ABITRAM: variants seen among roughly 807,000 people sequenced by gnomAD.
ABITRAM encodes actin binding transcription modulator.
ABITRAM carries 19 observed loss-of-function variants against 22.9 expected under a neutral mutation model. The observed-to-expected ratio is 0.83, with a 90% CI of 0.58 to 1.22. ABITRAM has a LOEUF of 1.22. ABITRAM is among the 50% of genes most tolerant of loss of function. The pLI is 0.00. For missense variants in ABITRAM, 215 were observed against 220.2 expected, an observed-to-expected ratio of 0.98 and a Z score of 0.15; for synonymous variants, 70 against 73.9, an observed-to-expected ratio of 0.95 and a Z score of 0.27.
chr9:108,936,183 GA>G, intron 2 of ABITRAM, 124 bp from the exon 3 acceptor site: 6 of 1,056,424 alleles, frequency 5.7e-6, no homozygotes, highest in Non-Finnish European at 8.2e-6. Context: ...GTAGCCAAAG[GA>G]AAAAGGGGGA....
chr9:108,934,644 C>T (rs1830142550), intron 1 of ABITRAM, 79 bp downstream of exon 1: 1 of 1,353,504 alleles, frequency 7.4e-7, no homozygotes, highest in Non-Finnish European at 1.0e-6. Context: ...GATCATAAGC[C>T]ACGCGCGCTC....
chr9:108,942,790 G>A (rs185420752), downstream of ABITRAM: 5 of 1,612,156 alleles, frequency 3.1e-6, no homozygotes, highest in Non-Finnish European at 3.4e-6. Context: ...TATCCATAGT[G>A]TCCTTATTTG....
rs1190116396 is a variant in ABITRAM, at chr9:108,935,634, C to T, written c.80-4C>T. The T allele has an allele frequency of 6.2e-7, 1 of 1,610,478 alleles. No homozygotes were observed. Among genetic ancestry groups the T allele is most frequent in the Non-Finnish European group, 8.5e-7 (1 of 1,176,736 alleles). On this transcript the variant is annotated splice_region_variant and splice_polypyrimidine_tract_variant and intron_variant, in intron 1 of 5. Transcript: ENST00000322940. ...GCCACCAACAGACTCATGTATTCTT[C>T]TAGATGTCAAAGGAAAATTTTGTGA...
intron 1 of ABITRAM, 106 bp downstream of exon 1, chr9:108,934,671 C>A: frequency 9.2e-7 from 1 of 1,089,838 alleles, no homozygotes; most frequent in Non-Finnish European, 1.3e-6. Context: ...GCTCTCCGTC[C>A]CCACGTCAGA....
Position 108,935,626 on chromosome 9 carries a change from G to A in ABITRAM, c.80-12G>A. 1.2e-6 allele frequency: 2 copies of A among 1,607,428 alleles called. No individual in the cohort carries two copies. The highest frequency in any genetic ancestry group is 1.7e-6 in the Non-Finnish European group (2 of 1,174,034). On this transcript the variant is annotated splice_polypyrimidine_tract_variant and intron_variant, in intron 1 of 5. Coordinates refer to ENST00000322940, the MANE Select transcript of ABITRAM (RefSeq NM_017832.4). ...TGATTTCAGCCACCAACAGACTCAT[G>A]TATTCTTCTAGATGTCAAAGGAAAA...
At chr9:108,935,790 C>A in intron 2 of ABITRAM, 101 bp downstream of exon 2, 1 of 733,938 alleles carries the variant, frequency 1.4e-6, no homozygotes, top group Non-Finnish European at 2.3e-6. Context: ...GTTCACTAAA[C>A]AAACATGCAT....
At chr9:108,943,688 A>G (rs1409425847), downstream of ABITRAM, 1 of 1,595,298 alleles carries the variant, frequency 6.3e-7, no homozygotes, top group Non-Finnish European at 8.5e-7. Context: ...AAAGTTTTTC[A>G]TATGTCTCTT....
intron 3 of ABITRAM, chr9:108,948,262 T>C (rs748504437): frequency 6.3e-7 from 1 of 1,597,570 alleles, no homozygotes; most frequent in South Asian, 1.1e-5. Context: ...GTTAAGAAGG[T>C]AACAAAAAGT....
At chr9:108,939,100 T>C (rs927635019) in intron 3 of ABITRAM, 96 bp from the exon 4 acceptor site, 4 of 972,746 alleles carry the variant, frequency 4.1e-6, no homozygotes, top group Admixed American at 2.3e-5. Context: ...AAAACACCAG[T>C]TCCAGGAATA....
intron 2 of ABITRAM, 29 bp from the exon 3 acceptor site, chr9:108,936,279 C>T: frequency 2.5e-6 from 4 of 1,603,614 alleles, no homozygotes; most frequent in Non-Finnish European, 3.4e-6. Flanking sequence ...TCCAAGCAAT[C>T]ACACAGGATC....
chr9:108,945,056 C>T (rs1830360740), downstream of ABITRAM, among the ~76,000 whole-genome samples: 1 of 152,262 alleles, frequency 6.6e-6, no homozygotes, highest in Middle Eastern at 3.4e-3. Context: ...CCTGCAAACC[C>T]CTTGGGGACA....
intron 3 of ABITRAM, among the ~76,000 whole-genome samples, chr9:108,937,990 C>A (rs1231761553): frequency 7.1e-6 from 1 of 140,842 alleles, no homozygotes; most frequent in Non-Finnish European, 1.5e-5. Context: ...GAACAAGACC[C>A]TGTCTCAAAA....
At chr9:108,936,143 T>C in intron 2 of ABITRAM, 165 bp from the exon 3 acceptor site, 1 of 671,580 alleles carries the variant, frequency 1.5e-6, no homozygotes, top group Non-Finnish European at 2.4e-6. Context: ...TTTATTATTG[T>C]ATTCTCTATT....
At chr9:108,936,712 C>T (rs1454687173) in intron 3 of ABITRAM, among the ~76,000 whole-genome samples, 1 of 152,074 alleles carries the variant, frequency 6.6e-6, no homozygotes, top group Non-Finnish European at 1.5e-5. Flanking sequence ...GAAAGGAGAA[C>T]TCTAATAGCA....
intron 1 of ABITRAM, 72 bp downstream of exon 1, chr9:108,934,637 C>T (rs1830142123): frequency 2.8e-6 from 4 of 1,414,100 alleles, no homozygotes. Context: ...GTTGACAGAT[C>T]ATAAGCCACG....
chr9:108,937,994 C>G (rs1251710359), intron 3 of ABITRAM, among the ~76,000 whole-genome samples: 5 of 128,292 alleles, frequency 3.9e-5, no homozygotes, highest in Admixed American at 1.6e-4. Context: ...AAGACCCTGT[C>G]TCAAAAAAAA....
rs1454265703 is a variant in ABITRAM, at chr9:108,939,211, AC to A, written c.278del (p.Thr93LysfsTer27). On this transcript the variant is annotated frameshift_variant, in exon 4 of 6. Transcript: ENST00000322940. LOFTEE classifies it high-confidence loss of function. ...GKFKRGAQFL[T>X]ELAPLCKIYC... is the part of the protein sequence containing the mutation. Reference sequence around the variant, plus strand: ...CATTACACAGGGGGCACAGTTTCTAACAGAGCTTGCACCTCTCTGTAAGATT... The same window carrying A: ...CATTACACAGGGGGCACAGTTTCTAAAGAGCTTGCACCTCTCTGTAAGATT... 6.2e-7 allele frequency: 1 copy of A among 1,613,832 alleles called. No individual in the cohort carries two copies. Among genetic ancestry groups the A allele is most frequent in the Non-Finnish European group, 8.5e-7 (1 of 1,179,900 alleles).
intron 3 of ABITRAM, among the ~76,000 whole-genome samples, chr9:108,936,976 C>T (rs1190318554): frequency 2.0e-5 from 3 of 152,100 alleles, no homozygotes; most frequent in East Asian, 1.9e-4. Flanking sequence ...GCCTGGCCAA[C>T]GGGGTGAAAA....
rs778304477 is a variant in ABITRAM at position 108,939,474 on chromosome 9, TATG to T, written c.408+23_408+25del. The T allele has an allele frequency of 3.1e-6, 5 of 1,604,798 alleles. No individual in the cohort carries two copies. In the South Asian group the frequency reaches 4.5e-5, roughly 15 times the overall value. The stretch of plus-strand genomic sequence containing the variant: ...GAAAAGGTAAAAGAGAGAGAAAAAA[TATG>T]ATCTCATCCACATACCTTTTATTGG... On this transcript the variant is annotated intron_variant, in intron 5 of 5. Transcript: ENST00000322940.
Sources: gnomAD v4.1 joint callset for allele counts (sites outside exome capture counted in the v4.1 genomes callset) on GRCh38, gnomAD v4.1.1 for gene constraint, MANE v1.5 for transcripts, NCBI Gene and HGNC (gene_info 2026-07-23, HGNC 2026-07-21) for gene names.